Variants in NRXN3 observed in about 807,000 individuals in gnomAD.
The protein encoded by NRXN3 is neurexin 3, also known as neurexin III.
A neutral mutation model predicts 137.6 loss-of-function variants in NRXN3; 32 were observed. That is an observed-to-expected ratio of 0.23 (90% CI 0.18 to 0.31). NRXN3 has a LOEUF of 0.31. Among genes scored for constraint, NRXN3 ranks in the 10% least tolerant of loss-of-function variants. The pLI is 1.00. For missense variants in NRXN3, 1,574 were observed against 2,062.5 expected (o/e 0.76, Z 4.59); for synonymous variants, 798 against 784.5 (o/e 1.02, Z -0.29).
At chr14:79,780,173 T>A (rs1297973619) in intron 19 of NRXN3, among the ~76,000 whole-genome samples, 1 of 152,116 alleles carries the variant, frequency 6.6e-6, no homozygotes, top group South Asian at 2.1e-4. Context: ...AAAAAAAAAA[T>A]TCACAGATGC....
chr14:78,721,546 A>G (rs180740131), intron 8 of NRXN3, among the ~76,000 whole-genome samples: 1 of 152,308 alleles, frequency 6.6e-6, no homozygotes, highest in East Asian at 1.9e-4. Context: ...TACAATCCGC[A>G]GAACTGTCTG....
intron 2 of NRXN3, among the ~76,000 whole-genome samples, chr14:78,251,501 T>C (rs7148695): frequency 0.19 from 28,162 of 152,194 alleles, 2,797 homozygotes; most frequent in Middle Eastern, 0.22. Flanking sequence ...TCCGCCTCTG[T>C]TAACACAACT....
intron 16 of NRXN3, among the ~76,000 whole-genome samples, chr14:79,496,060 G>A (rs1394336021): frequency 6.6e-6 from 1 of 152,138 alleles, no homozygotes; most frequent in African/African-American, 2.4e-5. Context: ...CTAATTTTGG[G>A]TTTAAGAAGG....
At chr14:78,912,013 G>A (rs2099239551) in intron 10 of NRXN3, among the ~76,000 whole-genome samples, 1 of 151,440 alleles carries the variant, frequency 6.6e-6, no homozygotes, top group African/African-American at 2.4e-5. Flanking sequence ...TTGGTGTGCT[G>A]CACCCATTAA....
intron 16 of NRXN3, among the ~76,000 whole-genome samples, chr14:79,559,181 AG>A (rs2097462744): frequency 3.3e-5 from 5 of 152,180 alleles, no homozygotes; most frequent in Admixed American, 3.3e-4. Context: ...TCACTAGAGT[AG>A]GACTTTCACT....
At chr14:78,410,996 C>T (rs909147516) in intron 4 of NRXN3, among the ~76,000 whole-genome samples, 3 of 152,034 alleles carry the variant, frequency 2.0e-5, no homozygotes, top group South Asian at 2.1e-4. Flanking sequence ...CACTTAATCT[C>T]GCTGGGTCTA....
chr14:79,729,135 A>C (rs2098911205), intron 19 of NRXN3, among the ~76,000 whole-genome samples: 1 of 152,190 alleles, frequency 6.6e-6, no homozygotes, highest in African/African-American at 2.4e-5. Context: ...ATTAATATTT[A>C]TTGTAAAGGC....
At chr14:79,594,348 G>T (rs886285091) in intron 16 of NRXN3, among the ~76,000 whole-genome samples, 1 of 152,048 alleles carries the variant, frequency 6.6e-6, no homozygotes, top group African/African-American at 2.4e-5. Flanking sequence ...AAAATATCCT[G>T]CCATAGAGAG....
At chr14:79,683,111 C>A (rs2098678934) in intron 17 of NRXN3, among the ~76,000 whole-genome samples, 1 of 152,022 alleles carries the variant, frequency 6.6e-6, no homozygotes, top group East Asian at 1.9e-4. Context: ...AATTCTAAGC[C>A]CCTTTAATGT....
intron 19 of NRXN3, among the ~76,000 whole-genome samples, chr14:79,802,263 T>C (rs1603538690): frequency 1.3e-5 from 2 of 152,124 alleles, no homozygotes; most frequent in South Asian, 4.1e-4. Flanking sequence ...TCACCAGCTT[T>C]CACTCAATAC....
At chr14:78,841,821 C>T (rs1023927235) in intron 10 of NRXN3, among the ~76,000 whole-genome samples, 9 of 152,006 alleles carry the variant, frequency 5.9e-5, no homozygotes, top group South Asian at 2.1e-4. Flanking sequence ...AAGATTTTAA[C>T]GAAGAGTGCT....
At chr14:78,751,861 C>T (rs2098644106) in intron 8 of NRXN3, among the ~76,000 whole-genome samples, 1 of 152,118 alleles carries the variant, frequency 6.6e-6, no homozygotes, top group Non-Finnish European at 1.5e-5. Context: ...TATTCAATTG[C>T]ATTTTGTAGT....
rs372957483 is a variant in NRXN3, at chr14:79,369,545, G to C, written c.3263-97676G>C. Among the ~76,000 whole-genome samples the C allele has an allele frequency of 1.1e-4, 16 of 152,318 alleles. 2 individuals carry two copies. Among genetic ancestry groups the C allele is most frequent in the East Asian group, 7.7e-4 (4 of 5,186 alleles). On this transcript the variant is annotated intron_variant, in intron 15 of 20. Transcript: ENST00000335750. ...GTGCATGGAATGAGACAGAGACACT[G>C]AGAAATTTTGATTGTACAAGTTTTT...
chr14:78,264,859 A>G (rs908914991), intron 2 of NRXN3, among the ~76,000 whole-genome samples: 12 of 152,154 alleles, frequency 7.9e-5, no homozygotes, highest in African/African-American at 2.7e-4. Flanking sequence ...TGCCCTTTCT[A>G]ATTCCTGTTG....
At chr14:79,726,118 A>G (rs1315704993) in intron 19 of NRXN3, among the ~76,000 whole-genome samples, 1 of 152,174 alleles carries the variant, frequency 6.6e-6, no homozygotes, top group Non-Finnish European at 1.5e-5. Flanking sequence ...CCTATCTCAA[A>G]AACCAGAGAC....
At chr14:79,190,020 G>C (rs975316158) in intron 15 of NRXN3, among the ~76,000 whole-genome samples, 1 of 152,022 alleles carries the variant, frequency 6.6e-6, no homozygotes, top group Non-Finnish European at 1.5e-5. Flanking sequence ...TTTTGGAATT[G>C]GGTGATATTG....
intron 2 of NRXN3, among the ~76,000 whole-genome samples, chr14:78,268,175 T>A (rs1160332228): frequency 2.0e-5 from 3 of 152,190 alleles, no homozygotes; most frequent in South Asian, 2.1e-4. Flanking sequence ...CCTTTTGGAC[T>A]CCACAGTGTA....
At chr14:78,635,576 A>T (rs2097560266) in intron 4 of NRXN3, among the ~76,000 whole-genome samples, 1 of 152,158 alleles carries the variant, frequency 6.6e-6, no homozygotes, top group Admixed American at 6.5e-5. Context: ...GTTACTAGGG[A>T]CACAGACCTC....
Position 78,243,224 on chromosome 14 carries a change from A to G in NRXN3, c.131A>G (p.Asp44Gly). ...CAGTGGGCCCGCTACCTCCGCTGGGATGCCAGCACACGCAGTGACCTGAGT... is the reference window on the plus strand; with the variant it reads ...CAGTGGGCCCGCTACCTCCGCTGGGGTGCCAGCACACGCAGTGACCTGAGT... ...PNQWARYLRWDASTRSDLSFQ... is the reference protein window; with the variant it reads ...PNQWARYLRWGASTRSDLSFQ... Residue 44 changes from aspartate to glycine, a missense_variant, in exon 2 of 21, where the codon GAT becomes GGT. This residue lies in a region of NRXN3 where 400 missense variants were observed against 527.3 expected (regional missense o/e 0.76). Coordinates refer to ENST00000335750, the MANE Select transcript of NRXN3 (RefSeq NM_001330195.2). The surrounding 1 kb of genome is among the most constrained non-coding windows in gnomAD (Gnocchi z 4.2). 1.3e-6 allele frequency: 2 copies of G among 1,550,178 alleles called. No homozygotes were observed. The highest frequency in any genetic ancestry group is 1.7e-6 in the Non-Finnish European group (2 of 1,155,272).
Sources: gnomAD v4.1 joint callset for allele counts (sites outside exome capture counted in the v4.1 genomes callset) on GRCh38, gnomAD v4.1.1 for gene constraint, gnomAD v4.1.1 regional missense constraint, Gnocchi (gnomAD v3.1) non-coding constraint, MANE v1.5 for transcripts, NCBI Gene and HGNC (gene_info 2026-07-23, HGNC 2026-07-21) for gene names.